The following TEK variants were observed in gnomAD, a reference collection of about 807,000 sequenced individuals.
The protein encoded by TEK is TEK receptor tyrosine kinase, also known as angiopoietin-1 receptor.
A neutral mutation model predicts 131.8 loss-of-function variants in TEK; 43 were observed. That is an observed-to-expected ratio of 0.33 (90% confidence interval 0.26 to 0.42). The LOEUF (loss-of-function observed/expected upper bound fraction) is 0.42. Ranked by LOEUF, TEK falls within the 10% of genes least tolerant of loss-of-function variation. TEK has a pLI of 1.00. For synonymous variants in TEK, 580 were observed against 491.6 expected (o/e 1.18, Z -2.38); for missense variants, 1,162 against 1,384.4 (o/e 0.84, Z 2.55).
rs747690102 is a variant in TEK at position 27,217,556 on chromosome 9, A to G, written c.2992-132A>G. 41 of 771,236 alleles carry G rather than the reference A, an allele frequency of 5.3e-5. No homozygotes were observed. In the Middle Eastern group the frequency reaches 1.1e-3, roughly 21 times the overall value. 47.8% of individuals were successfully genotyped at this position (771,236 alleles called of 1,614,324 possible). ...TGTTTTGAAATTTGAAAACACATGT[A>G]GCTGGGACATACACAAAGCAATGAT... On this transcript the variant is annotated intron_variant, in intron 18 of 22. Coordinates refer to ENST00000380036, the MANE Select transcript of TEK (RefSeq NM_000459.5).
At chr9:27,215,026 C>T (rs1192153423) in intron 18 of TEK, among the ~76,000 whole-genome samples, 2 of 152,174 alleles carry the variant, frequency 1.3e-5, no homozygotes, top group African/African-American at 4.8e-5. Context: ...TTCCTGAAAT[C>T]CTTTTCCCTG....
At position 27,229,306 on chromosome 9, in the gene TEK, G is replaced by A. The variant is rs892272742; in HGVS notation, c.*74G>A. The stretch of plus-strand genomic sequence containing the variant: ...CCCTTGACACCTGCTGAGAAAACAT[G>A]CCTCTGCCAAAGGATGTGATATATA... On this transcript the variant is annotated 3_prime_UTR_variant, in exon 23 of 23. Transcript: ENST00000380036. 11 of 1,417,908 alleles carry A rather than the reference G, an allele frequency of 7.8e-6. No homozygotes were observed. The highest frequency in any genetic ancestry group is 9.0e-6 in the Non-Finnish European group (9 of 1,002,484). The allele number at this position is 1,417,908 out of a possible 1,614,324, so 87.8% of individuals were successfully genotyped here.
chr9:27,136,082 GT>G (rs1335849233), intron 1 of TEK, among the ~76,000 whole-genome samples: 1 of 99,196 alleles, frequency 1.0e-5, no homozygotes, highest in Non-Finnish European at 2.3e-5. Context: ...TCCCAGGGCA[GT>G]TATTTTTTTT....
chr9:27,132,842 A>C (rs1156441529), intron 1 of TEK, among the ~76,000 whole-genome samples: 6 of 152,204 alleles, frequency 3.9e-5, no homozygotes, highest in Non-Finnish European at 8.8e-5. Flanking sequence ...ATCTATAGCA[A>C]TCAAGAGGGA....
chr9:27,198,148 T>G (rs750735406), intron 12 of TEK: 4 of 169,792 alleles, frequency 2.4e-5, no homozygotes, highest in Admixed American at 5.5e-5. Flanking sequence ...TTTGTAGTAT[T>G]GAAAGTCTAT....
intron 2 of TEK, among the ~76,000 whole-genome samples, chr9:27,158,569 G>A (rs1375973959): frequency 6.6e-6 from 1 of 151,826 alleles, no homozygotes; most frequent in Non-Finnish European, 1.5e-5. Context: ...ATATTTTCAG[G>A]AGAAAATTAA....
intron 1 of TEK, among the ~76,000 whole-genome samples, chr9:27,153,424 T>A (rs924086670): frequency 1.3e-5 from 2 of 152,248 alleles, no homozygotes; most frequent in Non-Finnish European, 2.9e-5. Context: ...TACTCCAGCC[T>A]GGGCGACAGG....
Position 27,169,713 on chromosome 9 carries a change from A to G in TEK, c.628+84A>G, listed in dbSNP as rs1587545435. 9 of 1,590,798 alleles carry G rather than the reference A, an allele frequency of 5.7e-6. No individual in the cohort carries two copies. The South Asian group carries it at 7.8e-5, about 14-fold the overall frequency. On this transcript the variant is annotated intron_variant, in intron 4 of 22. Coordinates refer to ENST00000380036, the MANE Select transcript of TEK (RefSeq NM_000459.5). ...TAGTTGCAAATAACAGAAACTAACCATGGCTTCTTAAGCAAAAACCAGGCA... is the reference window on the plus strand; with the variant it reads ...TAGTTGCAAATAACAGAAACTAACCGTGGCTTCTTAAGCAAAAACCAGGCA...
intron 8 of TEK, among the ~76,000 whole-genome samples, chr9:27,184,648 A>G (rs1298795682): frequency 6.6e-6 from 1 of 152,180 alleles, no homozygotes; most frequent in African/African-American, 2.4e-5. Flanking sequence ...GGCCATAACT[A>G]TATGTAACTT....
intron 21 of TEK, among the ~76,000 whole-genome samples, chr9:27,227,805 G>C (rs1388440506): frequency 6.6e-6 from 1 of 152,122 alleles, no homozygotes; most frequent in Non-Finnish European, 1.5e-5. Context: ...TGTTTTTAAT[G>C]ACAGTGCTTC....
intron 11 of TEK, chr9:27,195,813 T>A: frequency 2.4e-6 from 1 of 418,898 alleles, no homozygotes; most frequent in Non-Finnish European, 4.7e-6. Flanking sequence ...AATTTTATTT[T>A]ACAGGTGAAC....
chr9:27,204,770 C>A, intron 13 of TEK, 141 bp from the exon 14 acceptor site: 1 of 1,026,314 alleles, frequency 9.7e-7, no homozygotes, highest in Non-Finnish European at 1.5e-6. Flanking sequence ...AAATGAGTAG[C>A]CCGAGGTCAT....
intron 20 of TEK, among the ~76,000 whole-genome samples, chr9:27,219,297 C>T (rs1337012631): frequency 2.6e-5 from 4 of 152,112 alleles, no homozygotes; most frequent in Non-Finnish European, 5.9e-5. Context: ...GAATACTATG[C>T]AGCCACAAAA....
intron 1 of TEK, among the ~76,000 whole-genome samples, chr9:27,146,961 C>T (rs930434734): frequency 7.2e-5 from 11 of 152,086 alleles, no homozygotes; most frequent in Non-Finnish European, 1.0e-4. Context: ...GATCTCCTGA[C>T]CTTGTGATCT....
intron 2 of TEK, among the ~76,000 whole-genome samples, chr9:27,160,975 G>A (rs1042529250): frequency 1.3e-5 from 2 of 152,222 alleles, no homozygotes; most frequent in African/African-American, 4.8e-5. Context: ...ACATTCTAAA[G>A]GAAGATGATC....
intron 1 of TEK, among the ~76,000 whole-genome samples, chr9:27,126,466 CTG>C (rs1446881279): frequency 1.3e-5 from 2 of 152,218 alleles, no homozygotes; most frequent in African/African-American, 4.8e-5. Context: ...TCCAGGGACT[CTG>C]TGCATGTATT....
At chr9:27,168,043 T>C (rs1412054488) in intron 2 of TEK, among the ~76,000 whole-genome samples, 1 of 152,198 alleles carries the variant, frequency 6.6e-6, no homozygotes, top group Admixed American at 6.5e-5. Context: ...GCCAATTTGA[T>C]GCTCAAAGGA....
chr9:27,193,543 T>A (rs491892), intron 11 of TEK, among the ~76,000 whole-genome samples: 1 of 151,974 alleles, frequency 6.6e-6, no homozygotes, highest in African/African-American at 2.4e-5. Flanking sequence ...CCTCCAGCTT[T>A]CTGTTACCCA....
intron 1 of TEK, among the ~76,000 whole-genome samples, chr9:27,145,288 G>A (rs796169190): frequency 1.1e-4 from 17 of 152,318 alleles, no homozygotes; most frequent in Admixed American, 3.3e-4. Context: ...GACTCTTGAA[G>A]GAAACACAGG....
Sources: allele counts gnomAD v4.1 joint callset (sites outside exome capture counted in the v4.1 genomes callset), GRCh38; gene constraint gnomAD v4.1.1; transcripts MANE v1.5; gene names NCBI Gene and HGNC (gene_info 2026-07-23, HGNC 2026-07-21).